AGT: variants seen among roughly 807,000 people sequenced by gnomAD.
AGT encodes angiotensinogen.
In AGT, 26 loss-of-function variants were observed where a neutral mutation model predicts 28.1. The observed-to-expected ratio is 0.92, with a 90% CI of 0.68 to 1.28. The LOEUF (loss-of-function observed/expected upper bound fraction) is 1.28. Ranked by LOEUF, AGT falls within the 50% of genes most tolerant of loss-of-function variation. The pLI is 0.00. For synonymous variants in AGT, 259 were observed against 259.6 expected, an observed-to-expected ratio of 1.00 and a Z score of 0.02; for missense variants, 596 against 592.3, an observed-to-expected ratio of 1.01 and a Z score of -0.06.
At chr1:230,730,967 A>G (rs1485182684) in intron 1 of AGT, among the ~76,000 whole-genome samples, 1 of 152,204 alleles carries the variant, frequency 6.6e-6, no homozygotes, top group Non-Finnish European at 1.5e-5. Context: ...AATTAACCTA[A>G]TAATGCCTCA....
At chr1:230,707,277 G>C (rs764257029) in intron 2 of AGT, among the ~76,000 whole-genome samples, 1 of 152,228 alleles carries the variant, frequency 6.6e-6, no homozygotes, top group Non-Finnish European at 1.5e-5. Context: ...GCCCTCGGCT[G>C]TCCTCCCACT....
At chr1:230,715,543 T>C (rs1295792771), upstream of AGT, among the ~76,000 whole-genome samples, 1 of 152,208 alleles carries the variant, frequency 6.6e-6, no homozygotes, top group Non-Finnish European at 1.5e-5. Flanking sequence ...ATTTAATTTT[T>C]TTAAAATAAG....
In AGT at chr1:230,706,441, C is replaced by T. The variant is rs150738109; in HGVS notation, c.830-241G>A. ...GCAGCCCTAACCGCCACCTGCAAGACACACAACATGCCAGGCACCAAACCG... is the reference window on the plus strand; with the variant it reads ...GCAGCCCTAACCGCCACCTGCAAGATACACAACATGCCAGGCACCAAACCG... On this transcript the variant is annotated intron_variant, in intron 2 of 4. Transcript: ENST00000366667. Among the ~76,000 whole-genome samples the T allele has an allele frequency of 1.1e-3, 170 of 152,326 alleles. 1 individual carries two copies. The highest frequency in any genetic ancestry group is 3.9e-3 in the African/African-American group (164 of 41,568).
At chr1:230,713,005 T>C (rs1663640501) in intron 1 of AGT, among the ~76,000 whole-genome samples, 1 of 152,160 alleles carries the variant, frequency 6.6e-6, no homozygotes. Context: ...TGTTCTCATA[T>C]CAACCCCTCT....
At chr1:230,740,216 T>C (rs1051040905) in intron 1 of AGT, among the ~76,000 whole-genome samples, 1 of 152,192 alleles carries the variant, frequency 6.6e-6, no homozygotes, top group Non-Finnish European at 1.5e-5. Context: ...AATTAGTGTA[T>C]AATGAGCAGT....
intron 1 of AGT, among the ~76,000 whole-genome samples, chr1:230,740,340 G>A (rs1664226000): frequency 6.6e-6 from 1 of 151,960 alleles, no homozygotes. Flanking sequence ...GTATCTTTGT[G>A]ACCTGCCGAC....
chr1:230,703,027 G>A lies in AGT; in HGVS notation c.*114C>T, dbSNP rs778849069. On this transcript the variant is annotated 3_prime_UTR_variant, in exon 5 of 5. Coordinates refer to ENST00000366667, the MANE Select transcript of AGT (RefSeq NM_001384479.1). Reference sequence around the variant, plus strand: ...GTCGACTCATTAGAAGAAAAGGTGGGAGACTGGGGGTGACACATCGCTGAT... The same window carrying A: ...GTCGACTCATTAGAAGAAAAGGTGGAAGACTGGGGGTGACACATCGCTGAT... The A allele has an allele frequency of 1.8e-4, 211 of 1,196,488 alleles. No individual in the cohort carries two copies. The highest frequency in any genetic ancestry group is 2.4e-4 in the Non-Finnish European group (204 of 850,116). The allele number at this position is 1,196,488 out of a possible 1,614,324, so 74.1% of individuals were successfully genotyped here. A position where few individuals can be genotyped will look rare whatever the true frequency, so the allele number is the denominator to read the frequency against.
chr1:230,706,089 C>T lies in AGT; in HGVS notation c.941G>A (p.Ser314Asn), dbSNP rs770226614. ...CACCGAGAAGTTGTCCTGGATGTCA[C>T]TCCAGTGCTGGAAGGTGCCCATGCC... ...LSGMGTFQHW[S>N]DIQDNFSVTQ... is the part of the protein sequence containing the mutation. The change falls in exon 3 of 5, where the codon AGT becomes AAT. Residue 314 changes from serine to asparagine, a missense_variant. Ser to Asn is a conservative substitution (Grantham distance 46). Coordinates refer to ENST00000366667, the MANE Select transcript of AGT (RefSeq NM_001384479.1). The T allele has an allele frequency of 5.0e-6, 8 of 1,614,036 alleles. No homozygotes were observed. The highest frequency in any genetic ancestry group is 6.8e-6 in the Non-Finnish European group (8 of 1,180,050).
intron 1 of AGT, among the ~76,000 whole-genome samples, chr1:230,737,019 T>A (rs1444237272): frequency 6.6e-6 from 1 of 152,080 alleles, no homozygotes; most frequent in Non-Finnish European, 1.5e-5. Context: ...GCACAGAGGT[T>A]TGAACGCTGA....
upstream of AGT, among the ~76,000 whole-genome samples, chr1:230,717,161 CA>C (rs1663753520): frequency 6.6e-6 from 1 of 151,034 alleles, no homozygotes; most frequent in Non-Finnish European, 1.5e-5. Context: ...AACATCTCAG[CA>C]AAGCAATTGT....
At chr1:230,707,897 G>A (rs115291301) in intron 2 of AGT, among the ~76,000 whole-genome samples, 2 of 152,304 alleles carry the variant, frequency 1.3e-5, no homozygotes, top group African/African-American at 4.8e-5. Flanking sequence ...ACCAGGGCCA[G>A]CGCCCCATGC....
At chr1:230,726,850 T>C (rs1663952516) in intron 1 of AGT, among the ~76,000 whole-genome samples, 1 of 152,240 alleles carries the variant, frequency 6.6e-6, no homozygotes, top group Non-Finnish European at 1.5e-5. Flanking sequence ...AAAAGCCAGA[T>C]GCTATGTCTC....
At chr1:230,728,798 A>T (rs1208362126) in intron 1 of AGT, among the ~76,000 whole-genome samples, 1 of 152,186 alleles carries the variant, frequency 6.6e-6, no homozygotes, top group Non-Finnish European at 1.5e-5. Flanking sequence ...CTCTTGCCTC[A>T]CATCCTCTTT....
intron 1 of AGT, among the ~76,000 whole-genome samples, chr1:230,713,692 G>T (rs967293669): frequency 6.6e-6 from 1 of 152,140 alleles, no homozygotes. Context: ...GATCCCAGCT[G>T]GAGACTGACC....
chr1:230,715,699 G>A (rs1408665140), upstream of AGT, among the ~76,000 whole-genome samples: 3 of 152,206 alleles, frequency 2.0e-5, no homozygotes, highest in Non-Finnish European at 2.9e-5. Flanking sequence ...ACACAAGGGG[G>A]AGGTAAGGAT....
intron 2 of AGT, among the ~76,000 whole-genome samples, chr1:230,709,577 A>G (rs575384482): frequency 2.6e-5 from 4 of 152,286 alleles, no homozygotes; most frequent in Non-Finnish European, 5.9e-5. Context: ...CTCAAGAGAT[A>G]TGAACCTGAC....
At chr1:230,744,409 G>A (rs6662197) in intron 1 of AGT, among the ~76,000 whole-genome samples, 13,329 of 152,174 alleles carry the variant, frequency 0.088, 837 homozygotes, top group African/African-American at 0.16. Context: ...GGAGAAGTCC[G>A]GTGCCATGAG....
chr1:230,735,028 T>TTATCCCTGGAGGAGAGGGTCTGTGTC (rs368775339), intron 1 of AGT, among the ~76,000 whole-genome samples: 2 of 152,108 alleles, frequency 1.3e-5, no homozygotes, highest in Admixed American at 6.5e-5. Flanking sequence ...CTGGCTGTGT[T>TTATCCCTGGAGGAGAGGGTCTGTGTC]TATCCCTGGA....
intron 1 of AGT, among the ~76,000 whole-genome samples, chr1:230,722,711 C>T (rs1339253203): frequency 6.6e-6 from 1 of 152,170 alleles, no homozygotes; most frequent in East Asian, 1.9e-4. Context: ...GCCTGTAGCC[C>T]TTCTGTTTTG....
Sources: allele counts gnomAD v4.1 joint callset (sites outside exome capture counted in the v4.1 genomes callset), GRCh38; gene constraint gnomAD v4.1.1; transcripts MANE v1.5; gene names NCBI Gene and HGNC (gene_info 2026-07-23, HGNC 2026-07-21).